The following SRPK2 variants were observed in gnomAD, a reference collection of about 807,000 sequenced individuals.
SRPK2 encodes the protein SRSF protein kinase 2, also known as SFRS protein kinase 2.
Under a neutral mutation model 90.8 loss-of-function variants are expected in SRPK2, and 21 were observed. That is an observed-to-expected ratio of 0.23 (90% confidence interval 0.16 to 0.33). The LOEUF is 0.33. Among genes scored for constraint, SRPK2 ranks in the 10% least tolerant of loss-of-function variants. SRPK2 has a pLI of 1.00. For missense variants in SRPK2, 620 were observed against 869.0 expected (o/e 0.71, Z 3.60); for synonymous variants, 288 against 311.1 (o/e 0.93, Z 0.78).
chr7:105,119,448 A>G (rs900166858), intron 15 of SRPK2, among the ~76,000 whole-genome samples: 4 of 152,228 alleles, frequency 2.6e-5, no homozygotes, highest in Non-Finnish European at 5.9e-5. Flanking sequence ...GAGTGTTCTT[A>G]CACACTAGTA....
At chr7:105,244,826 G>T (rs1014244818) in intron 2 of SRPK2, 1 of 983,304 alleles carries the variant, frequency 1.0e-6, no homozygotes, top group Non-Finnish European at 1.6e-6. Context: ...GCACGCCAAG[G>T]AGTTACTGAA....
chr7:105,326,757 T>C (rs1813635419), intron 2 of SRPK2, among the ~76,000 whole-genome samples: 1 of 152,178 alleles, frequency 6.6e-6, no homozygotes, highest in South Asian at 2.1e-4. Context: ...ACATGGCAAG[T>C]GTTTTTGTAA....
intron 2 of SRPK2, among the ~76,000 whole-genome samples, chr7:105,285,432 A>C (rs1261028162): frequency 6.6e-6 from 1 of 151,598 alleles, no homozygotes; most frequent in Non-Finnish European, 1.5e-5. Flanking sequence ...AAAAAGAAAC[A>C]GCATTTTAAG....
At chr7:105,394,204 A>G (rs1822259921), upstream of SRPK2, among the ~76,000 whole-genome samples, 2 of 147,920 alleles carry the variant, frequency 1.4e-5, no homozygotes, top group Admixed American at 6.9e-5. Context: ...GTGCAGTGGC[A>G]TGATTTCGGC....
chr7:105,118,112 A>AC (rs1390006491), intron 15 of SRPK2, 90 bp from the exon 16 acceptor site: 1 of 1,337,874 alleles, frequency 7.5e-7, no homozygotes, highest in Non-Finnish European at 1.0e-6. Flanking sequence ...AGTGAAGCGG[A>AC]CAACCACCTG....
intron 15 of SRPK2, among the ~76,000 whole-genome samples, chr7:105,118,362 C>T (rs904474004): frequency 8.5e-5 from 13 of 152,192 alleles, no homozygotes; most frequent in African/African-American, 2.9e-4. Flanking sequence ...AACCTGGGAT[C>T]TTCCGTAAAA....
chr7:105,172,125 C>T (rs1424820610), intron 3 of SRPK2, among the ~76,000 whole-genome samples: 2 of 152,104 alleles, frequency 1.3e-5, no homozygotes, highest in South Asian at 2.1e-4. Context: ...AACTCTTGAC[C>T]TCAGGTGATC....
At chr7:105,357,413 CTTTA>C (rs1378930953) in intron 2 of SRPK2, among the ~76,000 whole-genome samples, 2 of 152,162 alleles carry the variant, frequency 1.3e-5, no homozygotes, top group Non-Finnish European at 2.9e-5. Context: ...CTCCCTGTCC[CTTTA>C]TTTTAGTTTG....
chr7:105,366,190 T>C (rs1425540221), intron 2 of SRPK2, among the ~76,000 whole-genome samples: 3 of 152,010 alleles, frequency 2.0e-5, no homozygotes, highest in South Asian at 2.1e-4. Flanking sequence ...ACTCATACGC[T>C]GCCACTTGGT....
At chr7:105,123,376 T>A (rs546070935) in intron 15 of SRPK2, among the ~76,000 whole-genome samples, 2 of 152,274 alleles carry the variant, frequency 1.3e-5, no homozygotes, top group African/African-American at 4.8e-5. Flanking sequence ...GTGGCAAGGA[T>A]GAAAATCTGC....
intron 2 of SRPK2, among the ~76,000 whole-genome samples, chr7:105,275,422 C>A (rs577939863): frequency 1.3e-3 from 73 of 58,032 alleles, no homozygotes; most frequent in Non-Finnish European, 2.3e-3. Context: ...GCCAACAATT[C>A]ACTGTGATTT....
intron 2 of SRPK2, among the ~76,000 whole-genome samples, chr7:105,373,916 A>G (rs1231704280): frequency 6.6e-6 from 1 of 151,710 alleles, no homozygotes; most frequent in African/African-American, 2.4e-5. Flanking sequence ...CTCATCTCCA[A>G]ACAATTTCTC....
chr7:105,163,427 G>A (rs904409527), intron 6 of SRPK2, among the ~76,000 whole-genome samples: 2 of 152,070 alleles, frequency 1.3e-5, no homozygotes, highest in African/African-American at 2.4e-5. Flanking sequence ...ATGAATAACC[G>A]GTTTTAAGAA....
At chr7:105,337,402 C>A (rs1815225725) in intron 2 of SRPK2, among the ~76,000 whole-genome samples, 1 of 151,600 alleles carries the variant, frequency 6.6e-6, no homozygotes, top group Admixed American at 6.6e-5. Context: ...GCAAACTCTG[C>A]TTCCCCGGTT....
upstream of SRPK2, among the ~76,000 whole-genome samples, chr7:105,389,771 A>G (rs1298806099): frequency 6.6e-6 from 1 of 152,230 alleles, no homozygotes; most frequent in African/African-American, 2.4e-5. Context: ...TCAAGTTGAT[A>G]GTGACACAAA....
rs1213498924 is a variant in SRPK2, at chr7:105,203,790, A to C, written c.72-5T>G. On this transcript the variant is annotated splice_region_variant and splice_polypyrimidine_tract_variant and intron_variant, in intron 2 of 15. Transcript: ENST00000393651. ...GCTTTCTGTTGAGGCTCCGGCCTGAAAGAGCAGAGAGAAAATTGCTATTTA... is the reference window on the plus strand; with the variant it reads ...GCTTTCTGTTGAGGCTCCGGCCTGACAGAGCAGAGAGAAAATTGCTATTTA... 1 of 1,567,680 alleles carries C rather than the reference A, an allele frequency of 6.4e-7. No individual in the cohort carries two copies. Among genetic ancestry groups the C allele is most frequent in the South Asian group, 1.2e-5 (1 of 85,848 alleles).
chr7:105,131,417 G>A (rs915574023), intron 13 of SRPK2, among the ~76,000 whole-genome samples: 30 of 152,198 alleles, frequency 2.0e-4, no homozygotes, highest in Non-Finnish European at 1.5e-4. Context: ...TCTTTTAACC[G>A]TTCTTTTCTA....
chr7:105,172,596 C>A (rs953374323), intron 3 of SRPK2, among the ~76,000 whole-genome samples: 7 of 152,120 alleles, frequency 4.6e-5, no homozygotes, highest in Non-Finnish European at 1.0e-4. Flanking sequence ...TTGAAACCAC[C>A]ATACAAAGTA....
At chr7:105,331,984 C>G (rs375421205) in intron 2 of SRPK2, among the ~76,000 whole-genome samples, 1 of 151,998 alleles carries the variant, frequency 6.6e-6, no homozygotes, top group Non-Finnish European at 1.5e-5. Context: ...CAGGGTGAAG[C>G]CCCATTTCTA....
Sources: allele counts gnomAD v4.1 joint callset (sites outside exome capture counted in the v4.1 genomes callset), GRCh38; gene constraint gnomAD v4.1.1; transcripts MANE v1.5; gene names NCBI Gene and HGNC (gene_info 2026-07-23, HGNC 2026-07-21).